Variants in SPTAN1 observed in about 807,000 individuals in gnomAD.
SPTAN1 encodes the protein spectrin alpha, non-erythrocytic 1, also known as spectrin alpha chain, non-erythrocytic 1.
SPTAN1 carries 61 observed loss-of-function variants against 331.3 expected under a neutral mutation model. The observed-to-expected ratio is 0.18, with a 90% CI of 0.15 to 0.23. SPTAN1 has a LOEUF of 0.23. SPTAN1 is among the 10% of genes least tolerant of loss of function. The pLI, the probability that SPTAN1 is intolerant of heterozygous loss-of-function variation, is 1.00. For synonymous variants in SPTAN1, 1,153 were observed against 1,173.9 expected (o/e 0.98, Z 0.36); for missense variants, 2,043 against 3,147.9 (o/e 0.65, Z 8.40).
At chr9:128,580,305 T>TA (rs1312057024) in intron 10 of SPTAN1, among the ~76,000 whole-genome samples, 1 of 150,592 alleles carries the variant, frequency 6.6e-6, no homozygotes, top group Non-Finnish European at 1.5e-5. Flanking sequence ...TAAATAAAAA[T>TA]AAAATATGTA....
chr9:128,578,793 C>T (rs1851603524), intron 9 of SPTAN1, among the ~76,000 whole-genome samples: 1 of 149,590 alleles, frequency 6.7e-6, no homozygotes, highest in Admixed American at 6.7e-5. Context: ...CACACCATTC[C>T]ACTCCCGTCC....
chr9:128,628,078 C>T, intron 51 of SPTAN1, 136 bp downstream of exon 51: 1 of 1,067,376 alleles, frequency 9.4e-7, no homozygotes, highest in Non-Finnish European at 1.5e-6. Flanking sequence ...TCCCACCCTT[C>T]TCGTCACCTG....
At chr9:128,621,473 TTAA>T (rs1857846789) in intron 45 of SPTAN1, among the ~76,000 whole-genome samples, 1 of 152,240 alleles carries the variant, frequency 6.6e-6, no homozygotes, top group East Asian at 1.9e-4. Context: ...TTTTTCTGCA[TTAA>T]GCAACAGAGA....
rs540268290 is a variant in SPTAN1 at position 128,632,744 on chromosome 9, T to C, written c.7160+26T>C. 578 of 1,614,062 alleles carry C rather than the reference T, an allele frequency of 3.6e-4. 7 individuals are homozygous for C. The South Asian group carries it at 6.0e-3, about 17-fold the overall frequency. ...GTAAATTAATTAAGGCCAGGTGCTG[T>C]GAGCCTCTGCCCGGGGCACCCACCT... On this transcript the variant is annotated intron_variant, in intron 55 of 56. Coordinates refer to ENST00000372739, the MANE Select transcript of SPTAN1 (RefSeq NM_001130438.3).
At chr9:128,579,869 C>A in intron 10 of SPTAN1, 131 bp downstream of exon 10, 1 of 797,198 alleles carries the variant, frequency 1.3e-6, no homozygotes. Flanking sequence ...CCTTTCTCTG[C>A]AGAGGTTTAA....
chr9:128,577,227 G>A lies in SPTAN1; in HGVS notation c.884G>A (p.Arg295Gln). ...CTGGCAAGTGTTCAGGCTCTGCTTC[G>A]GAAGCACGAGGGTCTGGAGAGAGAT... ...RDLASVQALL[R>Q]KHEGLERDLA... The change falls in exon 7 of 57, where the codon CGG becomes CAG. Residue 295 changes from arginine (R) to glutamine (Q), a missense_variant. This residue lies in a region of SPTAN1 where 1,038 missense variants were observed against 1,531.5 expected (regional missense o/e 0.68). Transcript: ENST00000372739. This position sits in a 1 kb window ranked among gnomAD's most constrained non-coding sequence, Gnocchi z 4.2. 2 of 1,614,186 alleles carry A rather than the reference G, an allele frequency of 1.2e-6. No individual in the cohort carries two copies. The highest frequency in any genetic ancestry group is 1.7e-6 in the Non-Finnish European group (2 of 1,180,026).
rs1854515382 is a variant in SPTAN1, at chr9:128,597,817, A to G, written c.3415-583A>G. Among the ~76,000 whole-genome samples the G allele has an allele frequency of 2.0e-5, 3 of 150,984 alleles. No individual in the cohort carries two copies. In the South Asian group the frequency reaches 6.3e-4, roughly 32 times the overall value. Reference sequence around the variant, plus strand: ...AGGCGCCTGCCACCGCGCCTAGCTAATTTTTGTATTTTTAGTAGAGACGGG... The same window carrying G: ...AGGCGCCTGCCACCGCGCCTAGCTAGTTTTTGTATTTTTAGTAGAGACGGG... On this transcript the variant is annotated intron_variant, in intron 24 of 56. Transcript: ENST00000372739.
intron 1 of SPTAN1, chr9:128,555,455 G>C: frequency 8.0e-7 from 1 of 1,255,406 alleles, no homozygotes; most frequent in South Asian, 1.2e-5. Flanking sequence ...CTGGCTTGCA[G>C]TGAAGGCATA....
At chr9:128,606,343 C>A (rs1274441506) in intron 31 of SPTAN1, among the ~76,000 whole-genome samples, 1 of 101,588 alleles carries the variant, frequency 9.8e-6, no homozygotes, top group Non-Finnish European at 1.8e-5. Flanking sequence ...CCACCGTACT[C>A]TAGCCTGGGC....
intron 1 of SPTAN1, among the ~76,000 whole-genome samples, chr9:128,556,543 G>C (rs970554038): frequency 1.3e-5 from 2 of 152,220 alleles, no homozygotes; most frequent in African/African-American, 4.8e-5. Flanking sequence ...GTAGCAGCAA[G>C]ATAGTATTTG....
chr9:128,574,874 T>C, intron 4 of SPTAN1, 59 bp downstream of exon 4: 2 of 1,610,946 alleles, frequency 1.2e-6, no homozygotes, highest in Non-Finnish European at 1.7e-6. Flanking sequence ...AAGAGACTCC[T>C]CTGTGATCTG....
chr9:128,625,193 C>T lies in SPTAN1; in HGVS notation c.6069+14C>T. ...CTCACCAAACAGGTCTGCCCTGGCC[C>T]CTTCACTGGTTGAAATGTATGCAGA... On this transcript the variant is annotated intron_variant, in intron 47 of 56. Coordinates refer to ENST00000372739, the MANE Select transcript of SPTAN1 (RefSeq NM_001130438.3). This position sits in a 1 kb window ranked among gnomAD's most constrained non-coding sequence, Gnocchi z 4.1. 6.2e-7 allele frequency: 1 copy of T among 1,613,802 alleles called. No homozygotes were observed. Among genetic ancestry groups the T allele is most frequent in the African/African-American group, 1.3e-5 (1 of 75,044 alleles).
At chr9:128,591,702 C>T (rs1041244639) in intron 22 of SPTAN1, 77 bp downstream of exon 22, 60 of 1,585,040 alleles carry the variant, frequency 3.8e-5, no homozygotes, top group African/African-American at 5.4e-5. Context: ...GAAGCTTAGG[C>T]GTGTCCTGAG....
intron 1 of SPTAN1, among the ~76,000 whole-genome samples, chr9:128,563,637 C>T (rs1430368188): frequency 6.6e-6 from 1 of 152,116 alleles, no homozygotes; most frequent in East Asian, 1.9e-4. Context: ...TCTCTCCCTA[C>T]CCCTTACAAA....
chr9:128,567,060 A>C, intron 2 of SPTAN1, 83 bp downstream of exon 2: 1 of 1,582,726 alleles, frequency 6.3e-7, no homozygotes, highest in Non-Finnish European at 8.6e-7. Context: ...AAAGTTACTT[A>C]ATTATGACCT....
chr9:128,617,261 T>C (rs1185640781), intron 41 of SPTAN1, among the ~76,000 whole-genome samples: 1 of 151,868 alleles, frequency 6.6e-6, no homozygotes, highest in East Asian at 1.9e-4. Flanking sequence ...AGTGTGTATA[T>C]ATGTATATAT....
At chr9:128,589,027 TC>T (rs1853071722) in intron 21 of SPTAN1, 84 bp downstream of exon 21, 3 of 1,564,108 alleles carry the variant, frequency 1.9e-6, no homozygotes, top group Non-Finnish European at 2.6e-6. Context: ...GTTGCATGTC[TC>T]CCTGAAATGA....
chr9:128,583,770 A>G lies in SPTAN1; in HGVS notation c.2012-18A>G. 1 of 1,614,108 alleles carries G rather than the reference A, an allele frequency of 6.2e-7. No homozygotes were observed. The highest frequency in any genetic ancestry group is 8.5e-7 in the Non-Finnish European group (1 of 1,179,988). ...GTAATGCTAAGCAGTACAAAATTAA[A>G]CTTGTTTTCTTCCATAGGAATAAAG... On this transcript the variant is annotated intron_variant, in intron 15 of 56. Transcript: ENST00000372739.
intron 3 of SPTAN1, 46 bp downstream of exon 3, chr9:128,568,943 G>A: frequency 2.5e-6 from 4 of 1,612,594 alleles, no homozygotes; most frequent in Non-Finnish European, 3.4e-6. Flanking sequence ...TCTGGGTGGA[G>A]CATTGTAGAT....
Sources: gnomAD v4.1 joint callset for allele counts (sites outside exome capture counted in the v4.1 genomes callset) on GRCh38, gnomAD v4.1.1 for gene constraint, gnomAD v4.1.1 regional missense constraint, Gnocchi (gnomAD v3.1) non-coding constraint, MANE v1.5 for transcripts, NCBI Gene and HGNC (gene_info 2026-07-23, HGNC 2026-07-21) for gene names.